Variants in BCAS1 observed in about 807,000 individuals in gnomAD.
The protein encoded by BCAS1 is brain enriched myelin associated protein 1, also known as breast carcinoma-amplified sequence 1.
Under a neutral mutation model 65.4 loss-of-function variants are expected in BCAS1, and 46 were observed. The observed-to-expected ratio is 0.70, with a 90% CI of 0.55 to 0.90. BCAS1 has a LOEUF of 0.90. Among genes scored for constraint, BCAS1 ranks in the 40% least tolerant of loss-of-function variants. The probability of loss-of-function intolerance (pLI) is 0.00; values close to 1 mark genes in which losing one functional copy is unlikely to be tolerated. For synonymous variants in BCAS1, 298 were observed against 293.5 expected (o/e 1.02, Z -0.16); for missense variants, 793 against 771.2 (o/e 1.03, Z -0.33).
chr20:54,004,097 C>A (rs910575149), intron 4 of BCAS1, among the ~76,000 whole-genome samples: 8 of 152,098 alleles, frequency 5.3e-5, no homozygotes, highest in African/African-American at 1.9e-4. Flanking sequence ...GTGTTCAAAT[C>A]CTAACTTCTG....
intron 3 of BCAS1, among the ~76,000 whole-genome samples, chr20:54,040,602 T>C (rs919837352): frequency 6.6e-6 from 1 of 151,316 alleles, no homozygotes; most frequent in African/African-American, 2.4e-5. Context: ...AGATGCCTAA[T>C]GTCATCTCAT....
intron 12 of BCAS1, among the ~76,000 whole-genome samples, chr20:53,951,007 G>A (rs11086446): frequency 0.31 from 47,130 of 152,140 alleles, 8,008 homozygotes; most frequent in Admixed American, 0.37. Flanking sequence ...TATTTGTTAA[G>A]TGAATGACCA....
chr20:54,022,978 A>C (rs887920599), intron 4 of BCAS1, among the ~76,000 whole-genome samples: 2 of 152,220 alleles, frequency 1.3e-5, no homozygotes, highest in African/African-American at 4.8e-5. Context: ...AACTTGCATA[A>C]TGTAAGATGG....
intron 3 of BCAS1, among the ~76,000 whole-genome samples, chr20:54,047,750 GCA>G (rs1341980498): frequency 1.3e-5 from 2 of 152,216 alleles, no homozygotes. Flanking sequence ...AGCAATGAAA[GCA>G]CAGATTTATA....
intron 10 of BCAS1, among the ~76,000 whole-genome samples, chr20:53,963,130 G>A (rs139859455): frequency 0.021 from 3,167 of 151,536 alleles, 81 homozygotes; most frequent in East Asian, 0.098. Context: ...GATTACAGGC[G>A]TGAGCCACCG....
intron 4 of BCAS1, among the ~76,000 whole-genome samples, chr20:54,002,284 A>G (rs2091075952): frequency 6.6e-6 from 1 of 152,184 alleles, no homozygotes; most frequent in Admixed American, 6.5e-5. Context: ...GGCAGTAGGT[A>G]GGAGCAGACA....
intron 1 of BCAS1, among the ~76,000 whole-genome samples, chr20:54,062,493 C>G (rs1228526722): frequency 6.6e-6 from 1 of 152,198 alleles, no homozygotes; most frequent in Non-Finnish European, 1.5e-5. Context: ...CACAAAGTAT[C>G]TCTATCTAAA....
At position 54,028,625 on chromosome 20, in the gene BCAS1, G is replaced by A. The variant is rs1209487919; in HGVS notation, c.490C>T (p.Leu164Phe). 6.2e-7 allele frequency: 1 copy of A among 1,614,196 alleles called. No homozygotes were observed. Among genetic ancestry groups the A allele is most frequent in the Non-Finnish European group, 8.5e-7 (1 of 1,180,026 alleles). ...PGHAPAQDKV[L>F]SAARDPTLLP... ...AGCGTGGGATCCCTGGCGGCAGAGA[G>A]GACCTTGTCTTGGGCCGGGGCGTGC... Residue 164 changes from leucine (L) to phenylalanine (F), a missense_variant, in exon 4 of 13, where the codon CTC becomes TTC. Physicochemically the swap from Leu to Phe is conservative, Grantham distance 22. Coordinates refer to ENST00000688948, the MANE Select transcript of BCAS1 (RefSeq NM_001366298.2).
chr20:53,992,157 G>T (rs2090776880), intron 7 of BCAS1, among the ~76,000 whole-genome samples: 1 of 124,754 alleles, frequency 8.0e-6, no homozygotes, highest in South Asian at 2.7e-4. Flanking sequence ...TTCTTTTAAA[G>T]ATACAATTTA....
chr20:53,994,756 A>G (rs2090857621), intron 6 of BCAS1, among the ~76,000 whole-genome samples: 1 of 152,124 alleles, frequency 6.6e-6, no homozygotes, highest in African/African-American at 2.4e-5. Context: ...GTATTGTGAT[A>G]TTATTTAGCC....
At chr20:53,966,000 G>A (rs1430090943) in intron 10 of BCAS1, among the ~76,000 whole-genome samples, 1 of 152,216 alleles carries the variant, frequency 6.6e-6, no homozygotes, top group African/African-American at 2.4e-5. Flanking sequence ...TGGAGGTGGT[G>A]AAAACGGAAC....
chr20:54,006,429 G>A (rs1429539898), intron 4 of BCAS1, among the ~76,000 whole-genome samples: 2 of 152,154 alleles, frequency 1.3e-5, no homozygotes, highest in Non-Finnish European at 1.5e-5. Context: ...GTTGGATTGG[G>A]CTGGGCATGG....
At chr20:53,952,621 T>A (rs1327084144) in intron 12 of BCAS1, among the ~76,000 whole-genome samples, 1 of 152,056 alleles carries the variant, frequency 6.6e-6, no homozygotes, top group Admixed American at 6.6e-5. Flanking sequence ...CTTATGAGTA[T>A]CCTTTTTTTT....
chr20:53,993,863 C>T (rs540832735), intron 6 of BCAS1, among the ~76,000 whole-genome samples: 6 of 152,260 alleles, frequency 3.9e-5, no homozygotes, highest in South Asian at 2.1e-4. Flanking sequence ...AAATACAATA[C>T]AAATGTAGTC....
intron 4 of BCAS1, among the ~76,000 whole-genome samples, chr20:54,009,162 T>C (rs2091268320): frequency 6.6e-6 from 1 of 152,114 alleles, no homozygotes; most frequent in African/African-American, 2.4e-5. Flanking sequence ...AATTAACAAT[T>C]GTAACAGTGC....
In BCAS1 at chr20:53,957,482, C is replaced by CA. The variant is rs764269550; in HGVS notation, c.1500dup (p.Gly501TrpfsTer32). The CA allele has an allele frequency of 4.3e-6, 7 of 1,614,074 alleles. No individual in the cohort carries two copies. The South Asian group carries it at 7.7e-5, about 18-fold the overall frequency. On this transcript the variant is annotated frameshift_variant, in exon 11 of 13. Coordinates refer to ENST00000688948, the MANE Select transcript of BCAS1 (RefSeq NM_001366298.2). LOFTEE classifies it high-confidence loss of function. ...ATTTCTTCTGAGTGGGTGATCCCTC[C>CA]ATCCCCTTTCACTGACTAAAATAAC...
At chr20:54,066,023 C>G (rs1204640185) in intron 1 of BCAS1, among the ~76,000 whole-genome samples, 3 of 152,032 alleles carry the variant, frequency 2.0e-5, no homozygotes, top group Admixed American at 6.5e-5. Context: ...GAATGCTTCT[C>G]TGTGTTAACT....
intron 3 of BCAS1, among the ~76,000 whole-genome samples, chr20:54,036,417 G>GT (rs1256077409): frequency 2.6e-5 from 4 of 151,262 alleles, no homozygotes; most frequent in Admixed American, 6.6e-5. Context: ...TGTGCTGCAT[G>GT]TTTTTTTAAA....
intron 1 of BCAS1, among the ~76,000 whole-genome samples, chr20:54,068,198 C>T (rs1330751509): frequency 6.6e-6 from 1 of 152,158 alleles, no homozygotes; most frequent in Non-Finnish European, 1.5e-5. Flanking sequence ...ATCAAAATCA[C>T]CTTGGATGTT....
Sources: allele counts gnomAD v4.1 joint callset (sites outside exome capture counted in the v4.1 genomes callset), GRCh38; gene constraint gnomAD v4.1.1; transcripts MANE v1.5; gene names NCBI Gene and HGNC (gene_info 2026-07-23, HGNC 2026-07-21).